Variants in DRD2 observed in about 807,000 individuals in gnomAD.
The protein encoded by DRD2 is dopamine receptor D2.
DRD2 carries 8 observed loss-of-function variants against 38.0 expected under a neutral mutation model. That is an observed-to-expected ratio of 0.21 (90% CI 0.12 to 0.38). The LOEUF is 0.38. Ranked by LOEUF, DRD2 falls within the 10% of genes least tolerant of loss-of-function variation. DRD2 has a pLI of 1.00. For missense variants in DRD2, 403 were observed against 607.7 expected, an observed-to-expected ratio of 0.66 and a Z score of 3.54; for synonymous variants, 230 against 238.6, an observed-to-expected ratio of 0.96 and a Z score of 0.33.
chr11:113,410,068 C>T lies in DRD2; in HGVS notation c.*659G>A. 1 of 159,450 alleles carries T rather than the reference C, an allele frequency of 6.3e-6. No homozygotes were observed. Among genetic ancestry groups the T allele is most frequent in the East Asian group, 1.8e-4 (1 of 5,430 alleles). The allele number at this position is 159,450 out of a possible 1,614,324, so 9.9% of individuals were successfully genotyped here. Reference sequence around the variant, plus strand: ...TCCTGGGCCCTTCAAGATGAGGGCTCCTCTTCTCAGAGCATGTGGAAACCA... The same window carrying T: ...TCCTGGGCCCTTCAAGATGAGGGCTTCTCTTCTCAGAGCATGTGGAAACCA... On this transcript the variant is annotated 3_prime_UTR_variant, in exon 8 of 8. Coordinates refer to ENST00000362072, the MANE Select transcript of DRD2 (RefSeq NM_000795.4).
intron 1 of DRD2, among the ~76,000 whole-genome samples, chr11:113,463,940 A>G (rs1951345292): frequency 6.6e-6 from 1 of 152,274 alleles, no homozygotes; most frequent in Admixed American, 6.5e-5. Flanking sequence ...AGTTAACCTT[A>G]TAAGTTAAGG....
At chr11:113,444,443 A>G (rs1445003989) in intron 1 of DRD2, among the ~76,000 whole-genome samples, 3 of 152,226 alleles carry the variant, frequency 2.0e-5, no homozygotes, top group South Asian at 4.1e-4. Context: ...TCATTTTTAA[A>G]TGAATTCCCT....
At chr11:113,418,767 T>G (rs184736515) in intron 2 of DRD2, among the ~76,000 whole-genome samples, 79 of 152,296 alleles carry the variant, frequency 5.2e-4, no homozygotes, top group Non-Finnish European at 9.7e-4. Context: ...TGCCAGGATG[T>G]TGAGACTAGC....
At chr11:113,421,230 C>T (rs537138764) in intron 2 of DRD2, among the ~76,000 whole-genome samples, 1 of 152,314 alleles carries the variant, frequency 6.6e-6, no homozygotes, top group East Asian at 1.9e-4. Flanking sequence ...CTGACACCCT[C>T]ATGCTGGGCC....
intron 1 of DRD2, among the ~76,000 whole-genome samples, chr11:113,434,858 G>A (rs577235817): frequency 8.1e-4 from 124 of 152,292 alleles, no homozygotes; most frequent in African/African-American, 2.9e-3. Context: ...AGTTCTCTAT[G>A]GAGCACAAGG....
At chr11:113,462,039 G>GC (rs35383923) in intron 1 of DRD2, among the ~76,000 whole-genome samples, 13,281 of 152,088 alleles carry the variant, frequency 0.087, 692 homozygotes, top group Middle Eastern at 0.14. Flanking sequence ...CAACCATTGT[G>GC]CCAGCAGGTC....
intron 1 of DRD2, among the ~76,000 whole-genome samples, chr11:113,455,077 G>A (rs541543768): frequency 7.9e-5 from 12 of 152,150 alleles, no homozygotes; most frequent in African/African-American, 1.4e-4. Context: ...GGCCGGGCAC[G>A]GTGGCTCATG....
At chr11:113,416,817 G>A (rs749643059) in intron 4 of DRD2, 46 bp downstream of exon 4, 8 of 1,606,736 alleles carry the variant, frequency 5.0e-6, no homozygotes, top group Non-Finnish European at 6.8e-6. Flanking sequence ...GAGGGAGCAG[G>A]GGCCCAGGGC....
At chr11:113,424,872 A>G (rs1023421713) in intron 1 of DRD2, 190 bp from the exon 2 acceptor site, 3 of 602,988 alleles carry the variant, frequency 5.0e-6, no homozygotes, top group Non-Finnish European at 8.8e-6. Context: ...TACAGCTGGT[A>G]GGACAAATGA....
At chr11:113,441,776 A>G (rs1456746978) in intron 1 of DRD2, among the ~76,000 whole-genome samples, 1 of 152,136 alleles carries the variant, frequency 6.6e-6, no homozygotes, top group Admixed American at 6.5e-5. Context: ...CAAGGTCAGG[A>G]GATCAAGACC....
intron 1 of DRD2, among the ~76,000 whole-genome samples, chr11:113,434,514 C>G (rs1249474610): frequency 1.3e-5 from 2 of 152,186 alleles, no homozygotes; most frequent in African/African-American, 4.8e-5. Flanking sequence ...TGGTTCGGGT[C>G]CTTGCAGGGT....
At chr11:113,451,925 A>C (rs373828230) in intron 1 of DRD2, among the ~76,000 whole-genome samples, 2 of 152,208 alleles carry the variant, frequency 1.3e-5, no homozygotes, top group Non-Finnish European at 2.9e-5. Context: ...ATAAACATTC[A>C]CAGGAAAATT....
intron 1 of DRD2, among the ~76,000 whole-genome samples, chr11:113,441,254 A>G (rs1295078926): frequency 6.6e-6 from 1 of 152,222 alleles, no homozygotes; most frequent in Non-Finnish European, 1.5e-5. Flanking sequence ...TATGTGGGAA[A>G]TGGAGGCTGG....
intron 1 of DRD2, chr11:113,474,532 G>C (rs891685669): frequency 6.6e-6 from 1 of 152,300 alleles, no homozygotes; most frequent in African/African-American, 2.4e-5. Context: ...CCGTGGGAGC[G>C]GGAGAATCCA....
rs149874318 is a variant in DRD2 at position 113,424,594 on chromosome 11, G to A, written c.58C>T (p.Arg20Trp). ...TTCCCGTCTGACCCGTTGAAGGGCC[G>A]GCTCCAGTTCTGCCTCTCCAGATCA... is the stretch of plus-strand genomic sequence containing the variant. ...DDDLERQNWS[R>W]PFNGSDGKAD... Residue 20 changes from arginine to tryptophan, a missense_variant, in exon 2 of 8, where the codon CGG (arginine) becomes TGG (tryptophan). By Grantham distance (101) the Arg-to-Trp change is moderately radical. Around this residue, in one of 4 missense-constraint regions of DRD2, gnomAD observed 162 missense variants for 254.5 expected, o/e 0.64. Transcript: ENST00000362072. 9.9e-6 allele frequency: 16 copies of A among 1,614,082 alleles called. No individual in the cohort carries two copies. Among genetic ancestry groups the A allele is most frequent in the African/African-American group, 5.3e-5 (4 of 74,912 alleles).
intron 1 of DRD2, among the ~76,000 whole-genome samples, chr11:113,452,647 CTT>C (rs36152573): frequency 2.2e-3 from 302 of 138,158 alleles, no homozygotes; most frequent in Middle Eastern, 7.5e-3. Flanking sequence ...CAGTCCCCAT[CTT>C]TTTTTTTTTT....
chr11:113,414,299 G>C, intron 6 of DRD2, 76 bp downstream of exon 6: 1 of 1,399,658 alleles, frequency 7.1e-7, no homozygotes, highest in Non-Finnish European at 1.0e-6. Flanking sequence ...CAGCTTCTGA[G>C]GTCTCAGAAC....
chr11:113,463,651 G>A (rs1006266807), intron 1 of DRD2, among the ~76,000 whole-genome samples: 4 of 152,176 alleles, frequency 2.6e-5, no homozygotes, highest in East Asian at 1.9e-4. Flanking sequence ...GCGTGTTTGC[G>A]GGGGCGGGGC....
At chr11:113,467,896 G>A (rs1258818732) in intron 1 of DRD2, among the ~76,000 whole-genome samples, 1 of 152,226 alleles carries the variant, frequency 6.6e-6, no homozygotes, top group Non-Finnish European at 1.5e-5. Context: ...TTTTGGTGCA[G>A]ATAAGTGGAG....
Sources: allele counts gnomAD v4.1 joint callset (sites outside exome capture counted in the v4.1 genomes callset), GRCh38; gene constraint gnomAD v4.1.1; regional missense constraint gnomAD v4.1.1; transcripts MANE v1.5; gene names NCBI Gene and HGNC (gene_info 2026-07-23, HGNC 2026-07-21).